The following CCDC7 variants were observed in gnomAD, a reference collection of about 807,000 sequenced individuals.
The protein encoded by CCDC7 is coiled-coil domain-containing protein 7.
A neutral mutation model predicts 196.9 loss-of-function variants in CCDC7; 183 were observed. The observed-to-expected ratio is 0.93, with a 90% CI of 0.82 to 1.05. CCDC7 has a LOEUF of 1.05. Among genes scored for constraint, CCDC7 ranks in the 50% least tolerant of loss-of-function variants. The pLI is 0.00. For synonymous variants in CCDC7, 525 were observed against 484.6 expected, an observed-to-expected ratio of 1.08 and a Z score of -1.10; for missense variants, 1,540 against 1,482.2, an observed-to-expected ratio of 1.04 and a Z score of -0.64.
chr10:32,801,779 G>T (rs745661996), intron 29 of CCDC7, among the ~76,000 whole-genome samples: 6 of 152,168 alleles, frequency 3.9e-5, no homozygotes, highest in Non-Finnish European at 5.9e-5. Flanking sequence ...GCAGTGCAGG[G>T]TTAATTTCCT....
At chr10:32,842,265 A>G (rs1409699935) in intron 33 of CCDC7, among the ~76,000 whole-genome samples, 1 of 151,988 alleles carries the variant, frequency 6.6e-6, no homozygotes, top group Non-Finnish European at 1.5e-5. Flanking sequence ...AAAAAATCCC[A>G]TCAAAAAGTG....
intron 28 of CCDC7, among the ~76,000 whole-genome samples, chr10:32,756,521 G>A (rs975613191): frequency 6.6e-6 from 1 of 152,148 alleles, no homozygotes; most frequent in Non-Finnish European, 1.5e-5. Flanking sequence ...AAGTGAAGGA[G>A]AAATAAAATC....
intron 28 of CCDC7, among the ~76,000 whole-genome samples, chr10:32,758,136 A>T (rs954138608): frequency 6.6e-6 from 1 of 152,196 alleles, no homozygotes; most frequent in Non-Finnish European, 1.5e-5. Flanking sequence ...AAAGTCCAGG[A>T]CCAGATGGAT....
At chr10:32,704,206 G>T (rs1398888102) in intron 24 of CCDC7, among the ~76,000 whole-genome samples, 1 of 151,798 alleles carries the variant, frequency 6.6e-6, no homozygotes, top group Non-Finnish European at 1.5e-5. Flanking sequence ...TGTCCTTTCT[G>T]TTTGTTAGTT....
chr10:32,483,566 T>C (rs959508344), intron 8 of CCDC7, among the ~76,000 whole-genome samples: 2 of 152,232 alleles, frequency 1.3e-5, no homozygotes, highest in East Asian at 3.8e-4. Flanking sequence ...ATGAAGTCCT[T>C]GCCCATGCCT....
At chr10:32,640,864 C>CTTTTTTTTCTT (rs2066621450) in intron 20 of CCDC7, among the ~76,000 whole-genome samples, 4 of 74,522 alleles carry the variant, frequency 5.4e-5, no homozygotes, top group Non-Finnish European at 9.2e-5. Flanking sequence ...TGTAGATTTT[C>CTTTTTTTTCTT]TTTTTTTTTT....
chr10:32,854,384 G>C lies in CCDC7; in HGVS notation c.4022-16G>C. 1 of 1,445,250 alleles carries C rather than the reference G, an allele frequency of 6.9e-7. No homozygotes were observed. Among genetic ancestry groups the C allele is most frequent in the Non-Finnish European group, 9.7e-7 (1 of 1,035,156 alleles). The allele number at this position is 1,445,250 out of a possible 1,614,324, so 89.5% of individuals were successfully genotyped here. On this transcript the variant is annotated splice_polypyrimidine_tract_variant and intron_variant, in intron 40 of 41. Transcript: ENST00000639629. ...ATTTACCACATAATTTAATAACACTGTTCTCATTTTTTTAGGGCATTCGAA... is the reference window on the plus strand; with the variant it reads ...ATTTACCACATAATTTAATAACACTCTTCTCATTTTTTTAGGGCATTCGAA...
intron 28 of CCDC7, among the ~76,000 whole-genome samples, chr10:32,755,164 T>A (rs558265736): frequency 6.6e-6 from 1 of 152,322 alleles, no homozygotes; most frequent in Non-Finnish European, 1.5e-5. Flanking sequence ...GAGGCTTGCC[T>A]GCCTCTGTAG....
intron 24 of CCDC7, among the ~76,000 whole-genome samples, chr10:32,695,604 G>C (rs1007701224): frequency 1.1e-4 from 16 of 152,126 alleles, no homozygotes; most frequent in African/African-American, 1.7e-4. Flanking sequence ...GAGTGACCTA[G>C]CCCTTGCCGG....
chr10:32,547,878 T>TG (rs2052739221), intron 13 of CCDC7, among the ~76,000 whole-genome samples: 1 of 152,224 alleles, frequency 6.6e-6, no homozygotes, highest in Non-Finnish European at 1.5e-5. Context: ...TGTGAGATTT[T>TG]GGTGCACCCA....
At chr10:32,650,945 C>G (rs935822868) in intron 20 of CCDC7, among the ~76,000 whole-genome samples, 11 of 152,148 alleles carry the variant, frequency 7.2e-5, no homozygotes, top group Non-Finnish European at 1.5e-4. Context: ...GCAGGTGGGT[C>G]TGCGGGTCAG....
At chr10:32,777,685 C>T (rs2080308744) in intron 28 of CCDC7, among the ~76,000 whole-genome samples, 1 of 151,690 alleles carries the variant, frequency 6.6e-6, no homozygotes. Flanking sequence ...GGTGAAACCC[C>T]ATCTCTACTA....
At chr10:32,711,148 A>T (rs531343387) in intron 24 of CCDC7, among the ~76,000 whole-genome samples, 1 of 143,494 alleles carries the variant, frequency 7.0e-6, no homozygotes, top group African/African-American at 2.7e-5. Flanking sequence ...AAATATATAT[A>T]TACATACACA....
chr10:32,877,302 A>T (rs1355661710), downstream of CCDC7, among the ~76,000 whole-genome samples: 1 of 152,096 alleles, frequency 6.6e-6, no homozygotes, highest in East Asian at 1.9e-4. Flanking sequence ...CTAGTGATCA[A>T]TTATTCTCTA....
chr10:32,463,895 G>A (rs2133728399), intron 5 of CCDC7, among the ~76,000 whole-genome samples: 1 of 152,262 alleles, frequency 6.6e-6, no homozygotes, highest in South Asian at 2.1e-4. Flanking sequence ...GTCATTCTTT[G>A]ATTATGGCAT....
At chr10:32,801,977 T>C (rs2084890208) in intron 29 of CCDC7, among the ~76,000 whole-genome samples, 1 of 152,228 alleles carries the variant, frequency 6.6e-6, no homozygotes, top group African/African-American at 2.4e-5. Context: ...CCCATTCTTT[T>C]CCAATCAATG....
intron 20 of CCDC7, among the ~76,000 whole-genome samples, chr10:32,642,011 A>C (rs1464715239): frequency 6.6e-6 from 1 of 152,016 alleles, no homozygotes; most frequent in African/African-American, 2.4e-5. Flanking sequence ...GTTTCTCTGG[A>C]AGTTTTGTCT....
intron 28 of CCDC7, among the ~76,000 whole-genome samples, chr10:32,757,085 C>G (rs2076588780): frequency 2.0e-5 from 3 of 152,162 alleles, no homozygotes; most frequent in Admixed American, 6.5e-5. Flanking sequence ...AATACAGGAG[C>G]ACCCAGATTC....
chr10:32,709,357 T>C (rs1291046969), intron 24 of CCDC7, among the ~76,000 whole-genome samples: 1 of 149,564 alleles, frequency 6.7e-6, no homozygotes. Context: ...CATTAAGAGA[T>C]ATACCTAATG....
Sources: allele counts gnomAD v4.1 joint callset (sites outside exome capture counted in the v4.1 genomes callset), GRCh38; gene constraint gnomAD v4.1.1; transcripts MANE v1.5; gene names NCBI Gene and HGNC (gene_info 2026-07-23, HGNC 2026-07-21).